The following PTPN4 variants were observed in gnomAD, a reference collection of about 807,000 sequenced individuals.
PTPN4 encodes tyrosine-protein phosphatase non-receptor type 4.
PTPN4 carries 49 observed loss-of-function variants against 135.5 expected under a neutral mutation model. The ratio of observed to expected loss-of-function variants is 0.36; its 90% confidence interval spans 0.29 to 0.46. The LOEUF is 0.46. Ranked by LOEUF, PTPN4 falls within the 20% of genes least tolerant of loss-of-function variation. The probability of loss-of-function intolerance (pLI) is 1.00; values close to 1 mark genes in which losing one functional copy is unlikely to be tolerated. For missense variants in PTPN4, 860 were observed against 1,101.0 expected, an observed-to-expected ratio of 0.78 and a Z score of 3.10; for synonymous variants, 333 against 369.9, an observed-to-expected ratio of 0.90 and a Z score of 1.14.
intron 1 of PTPN4, among the ~76,000 whole-genome samples, chr2:119,781,563 C>CCACAGAA (rs1232180043): frequency 6.6e-6 from 1 of 152,190 alleles, no homozygotes; most frequent in Admixed American, 6.5e-5. Context: ...TTTGATTTAT[C>CCACAGAA]TTCAGTGTAT....
At chr2:119,837,960 G>T (rs564046090) in intron 2 of PTPN4, among the ~76,000 whole-genome samples, 1 of 152,302 alleles carries the variant, frequency 6.6e-6, no homozygotes, top group African/African-American at 2.4e-5. Context: ...CACACCCCTC[G>T]CTGCTCCGCG....
chr2:119,777,938 G>T (rs971434121), intron 1 of PTPN4, among the ~76,000 whole-genome samples: 1 of 151,908 alleles, frequency 6.6e-6, no homozygotes, highest in Non-Finnish European at 1.5e-5. Context: ...TTATAGATGT[G>T]AGCTACTGTG....
chr2:119,877,652 G>A (rs1678005033), intron 5 of PTPN4, 110 bp downstream of exon 5: 1 of 1,340,316 alleles, frequency 7.5e-7, no homozygotes, highest in Non-Finnish European at 1.0e-6. Context: ...GAGCTTTCCA[G>A]TCAGTACACA....
At chr2:119,850,556 A>C (rs1677576647) in intron 2 of PTPN4, among the ~76,000 whole-genome samples, 1 of 152,186 alleles carries the variant, frequency 6.6e-6, no homozygotes, top group African/African-American at 2.4e-5. Context: ...TCTGGGGAAG[A>C]AGGGATTTGC....
rs2104911563 is a variant in PTPN4 at position 119,760,168 on chromosome 2, C to G, written c.-234C>G. The G allele has an allele frequency of 2.5e-6, 1 of 393,866 alleles. No individual in the cohort carries two copies. Among genetic ancestry groups the G allele is most frequent in the East Asian group, 3.6e-5 (1 of 27,728 alleles). 24.4% of individuals were successfully genotyped at this position (393,866 alleles called of 1,614,324 possible). On this transcript the variant is annotated 5_prime_UTR_variant, in exon 1 of 27. Transcript: ENST00000263708. ...AGGAGAGGTCGCCGGCTGCCCGCCT[C>G]CCTGCCACCTCCCCAGCGGCGCCGG...
At chr2:119,889,145 C>T (rs1678202089) in intron 9 of PTPN4, among the ~76,000 whole-genome samples, 1 of 152,126 alleles carries the variant, frequency 6.6e-6, no homozygotes, top group Non-Finnish European at 1.5e-5. Flanking sequence ...ATGGGCTGGG[C>T]ACAGTGGCTC....
chr2:119,934,860 G>A lies in PTPN4; in HGVS notation c.1257G>A (p.Leu419=). The A allele has an allele frequency of 3.7e-6, 6 of 1,613,780 alleles. No individual in the cohort carries two copies. Among genetic ancestry groups the A allele is most frequent in the East Asian group, 4.5e-5 (2 of 44,874 alleles). ...TRLRPSSVGH[L]VDHMVHTSPS... ...TACGACCATCTTCAGTTGGTCATTT[G>A]GTAGACCATATGGTTCATACTTCCC... Residue 419 remains leucine, a synonymous_variant, in exon 15 of 27, where the codon TTG becomes TTA. Transcript: ENST00000263708.
At chr2:119,968,120 T>C in intron 26 of PTPN4, 148 bp downstream of exon 26, 2 of 603,920 alleles carry the variant, frequency 3.3e-6, no homozygotes, top group Non-Finnish European at 5.1e-6. Context: ...GTAAGCAAAC[T>C]ACTGCCCACT....
intron 2 of PTPN4, among the ~76,000 whole-genome samples, chr2:119,813,846 A>G (rs1279183693): frequency 6.6e-6 from 1 of 152,080 alleles, no homozygotes; most frequent in Non-Finnish European, 1.5e-5. Context: ...CCATCTTCCT[A>G]CTTTCATAGA....
At chr2:119,836,868 T>C (rs1306107020) in intron 2 of PTPN4, among the ~76,000 whole-genome samples, 3 of 152,170 alleles carry the variant, frequency 2.0e-5, no homozygotes, top group East Asian at 1.9e-4. Context: ...CTCTGGACTT[T>C]GGGCGCTGAT....
Position 119,957,047 on chromosome 2 carries a change from T to C in PTPN4, c.2103T>C (p.Asn701=), listed in dbSNP as rs1302885027. Residue 701 remains asparagine (N), a synonymous_variant, in exon 22 of 27, where the codon AAT becomes AAC. Transcript: ENST00000263708. ...YDATRVILKG[N]EDYINANYIN... is the part of the protein sequence containing the mutation. The stretch of plus-strand genomic sequence containing the variant: ...CCACACGGGTCATTTTAAAAGGTAA[T>C]GAAGACTACATCAATGCGAACTATA... 2 of 1,610,726 alleles carry C rather than the reference T, an allele frequency of 1.2e-6. No individual in the cohort carries two copies. The highest frequency in any genetic ancestry group is 1.7e-6 in the Non-Finnish European group (2 of 1,178,694).
chr2:119,815,163 T>C (rs1411728008), intron 2 of PTPN4, among the ~76,000 whole-genome samples: 5 of 152,192 alleles, frequency 3.3e-5, no homozygotes, highest in African/African-American at 1.2e-4. Context: ...TGGGCAGTTA[T>C]TCAATGATGA....
intron 3 of PTPN4, among the ~76,000 whole-genome samples, chr2:119,872,181 C>G (rs2104994512): frequency 6.6e-6 from 1 of 151,956 alleles, no homozygotes; most frequent in East Asian, 1.9e-4. Context: ...GGATCAAATC[C>G]AAGTTTTCCA....
intron 25 of PTPN4, among the ~76,000 whole-genome samples, chr2:119,966,205 A>G (rs894358994): frequency 4.6e-5 from 7 of 152,238 alleles, no homozygotes; most frequent in Middle Eastern, 3.4e-3. Flanking sequence ...AAGTCCTTTT[A>G]TATAAGCGCT....
chr2:119,871,612 G>A (rs1677911286), intron 3 of PTPN4, among the ~76,000 whole-genome samples: 1 of 152,032 alleles, frequency 6.6e-6, no homozygotes, highest in African/African-American at 2.4e-5. Flanking sequence ...TTGCTGGTAT[G>A]TGAACAGAGG....
At chr2:119,941,715 A>G (rs1363602753) in intron 15 of PTPN4, among the ~76,000 whole-genome samples, 3 of 152,112 alleles carry the variant, frequency 2.0e-5, no homozygotes, top group Non-Finnish European at 4.4e-5. Flanking sequence ...CTTAATCTAT[A>G]CTTCATTCTC....
rs751556232 is a variant in PTPN4 at position 119,977,033 on chromosome 2, G to A, written c.2744G>A (p.Gly915Asp). 3 of 1,607,268 alleles carry A rather than the reference G, an allele frequency of 1.9e-6. No homozygotes were observed. The highest frequency in any genetic ancestry group is 2.5e-6 in the Non-Finnish European group (3 of 1,178,080). ...GCTATTTTGAAAGTTTATGAAGAAG[G>A]CTTTGTTAAACCCTTAACAACATCA... ...CEAILKVYEE[G>D]FVKPLTTSTN... is the part of the protein sequence containing the mutation. Residue 915 changes from glycine to aspartate, a missense_variant, in exon 27 of 27, where the codon GGC becomes GAC. Gly to Asp is a moderately conservative substitution (Grantham distance 94, BLOSUM62 -1). Transcript: ENST00000263708.
At chr2:119,908,705 T>C (rs951149552) in intron 10 of PTPN4, among the ~76,000 whole-genome samples, 6 of 152,166 alleles carry the variant, frequency 3.9e-5, no homozygotes, top group African/African-American at 1.4e-4. Flanking sequence ...TCTGTCACTT[T>C]CGATCAAAAA....
chr2:119,876,128 G>A (rs1677979675), intron 3 of PTPN4, among the ~76,000 whole-genome samples: 1 of 152,174 alleles, frequency 6.6e-6, no homozygotes. Context: ...CTGGAATTTA[G>A]TAAGCTGAGG....
Sources: gnomAD v4.1 joint callset for allele counts (sites outside exome capture counted in the v4.1 genomes callset) on GRCh38, gnomAD v4.1.1 for gene constraint, MANE v1.5 for transcripts, NCBI Gene and HGNC (gene_info 2026-07-23, HGNC 2026-07-21) for gene names.